Variants in PBX1 observed in about 807,000 individuals in gnomAD.
PBX1 encodes PBX homeobox 1.
A neutral mutation model predicts 53.4 loss-of-function variants in PBX1; 6 were observed. That is an observed-to-expected ratio of 0.11 (90% CI 0.06 to 0.22). The LOEUF (loss-of-function observed/expected upper bound fraction) is 0.22. Among genes scored for constraint, PBX1 ranks in the 10% least tolerant of loss-of-function variants. PBX1 has a pLI of 1.00. For missense variants in PBX1, 251 were observed against 551.4 expected, an observed-to-expected ratio of 0.46 and a Z score of 5.46; for synonymous variants, 204 against 212.3, an observed-to-expected ratio of 0.96 and a Z score of 0.34.
chr1:164,762,005 G>A (rs1245637768), intron 2 of PBX1, among the ~76,000 whole-genome samples: 4 of 152,032 alleles, frequency 2.6e-5, no homozygotes, highest in South Asian at 2.1e-4. Context: ...TTACATGGGC[G>A]CTCCAAGAAG....
At chr1:164,854,420 T>C (rs1206934241), downstream of PBX1, 1 of 152,182 alleles carries the variant, frequency 6.6e-6, no homozygotes, top group African/African-American at 2.4e-5. Context: ...GCCTTCCTTC[T>C]GGAAACATCC....
chr1:164,698,476 A>G (rs1163290236), intron 2 of PBX1, among the ~76,000 whole-genome samples: 1 of 151,986 alleles, frequency 6.6e-6, no homozygotes, highest in Non-Finnish European at 1.5e-5. Context: ...TGTTTTTCTT[A>G]TTTTGTTCCC....
At chr1:164,713,233 A>G (rs1457389788) in intron 2 of PBX1, among the ~76,000 whole-genome samples, 2 of 152,188 alleles carry the variant, frequency 1.3e-5, no homozygotes, top group Admixed American at 1.3e-4. Context: ...CTATGTAGTG[A>G]TAGAGAAAAG....
intron 2 of PBX1, among the ~76,000 whole-genome samples, chr1:164,688,120 C>CCATG (rs905213601): frequency 6.6e-6 from 1 of 152,216 alleles, no homozygotes; most frequent in Non-Finnish European, 1.5e-5. Context: ...ATGTCAAGGA[C>CCATG]CATGCATCTC....
At chr1:164,640,340 G>A (rs1659043043) in intron 2 of PBX1, among the ~76,000 whole-genome samples, 1 of 152,100 alleles carries the variant, frequency 6.6e-6, no homozygotes, top group Non-Finnish European at 1.5e-5. Flanking sequence ...TTGTTCCTCA[G>A]TTTCCCCGGC....
At chr1:164,740,374 AAAATG>A (rs1270917180) in intron 2 of PBX1, among the ~76,000 whole-genome samples, 1 of 152,198 alleles carries the variant, frequency 6.6e-6, no homozygotes, top group Non-Finnish European at 1.5e-5. Flanking sequence ...AAATAAAAAA[AAAATG>A]AAAAGACTCA....
rs750078828 is a variant in PBX1 at position 164,850,950 on chromosome 1, C to T, written c.*4274C>T. The T allele has an allele frequency of 3.0e-4, 65 of 215,244 alleles. 1 individual carries two copies. Among genetic ancestry groups the T allele is most frequent in the Non-Finnish European group, 3.2e-4 (34 of 106,522 alleles). 13.3% of individuals were successfully genotyped at this position (215,244 alleles called of 1,614,324 possible). A position where few individuals can be genotyped will look rare whatever the true frequency, so the allele number is the denominator to read the frequency against. On this transcript the variant is annotated 3_prime_UTR_variant, in exon 9 of 9. Coordinates refer to ENST00000420696, the MANE Select transcript of PBX1 (RefSeq NM_002585.4). ...AAGAGGCCTTTTCTTCCAGGAGAGTCCCGCAGGAGATGCTGGTATGATGGG... is the reference window on the plus strand; with the variant it reads ...AAGAGGCCTTTTCTTCCAGGAGAGTTCCGCAGGAGATGCTGGTATGATGGG...
chr1:164,568,956 A>G (rs1285701435), intron 2 of PBX1, among the ~76,000 whole-genome samples: 2 of 152,218 alleles, frequency 1.3e-5, no homozygotes, highest in Non-Finnish European at 2.9e-5. Context: ...CTCTCTTTCA[A>G]TCTCTCAATT....
chr1:164,735,798 A>T (rs938428662), intron 2 of PBX1, among the ~76,000 whole-genome samples: 2 of 152,158 alleles, frequency 1.3e-5, no homozygotes, highest in African/African-American at 2.4e-5. Flanking sequence ...GAAGATGTAT[A>T]TCAGCAGTAA....
chr1:164,785,905 G>C (rs556284843), intron 2 of PBX1, among the ~76,000 whole-genome samples: 48 of 152,198 alleles, frequency 3.2e-4, no homozygotes, highest in Admixed American at 4.6e-4. Context: ...TTGGCTTCCT[G>C]GGGTCATACC....
At chr1:164,774,232 T>C (rs1019597231) in intron 2 of PBX1, among the ~76,000 whole-genome samples, 1 of 152,206 alleles carries the variant, frequency 6.6e-6, no homozygotes, top group Non-Finnish European at 1.5e-5. Flanking sequence ...TTTGGGAAGC[T>C]TCAAAAAATT....
At chr1:164,571,547 T>C (rs1653852944) in intron 2 of PBX1, among the ~76,000 whole-genome samples, 1 of 150,186 alleles carries the variant, frequency 6.7e-6, no homozygotes. Flanking sequence ...CCAAATACTA[T>C]TCCGCTGTAT....
At chr1:164,569,773 C>A (rs188404922) in intron 2 of PBX1, among the ~76,000 whole-genome samples, 3 of 152,052 alleles carry the variant, frequency 2.0e-5, no homozygotes, top group Middle Eastern at 3.4e-3. Context: ...GTTGGCCAGG[C>A]TGGTCTCAAA....
chr1:164,804,931 CAGTT>C (rs1306670645), intron 4 of PBX1, among the ~76,000 whole-genome samples: 1 of 152,148 alleles, frequency 6.6e-6, no homozygotes, highest in East Asian at 1.9e-4. Flanking sequence ...GTTTTGGAAA[CAGTT>C]TGTTTGAAGA....
In PBX1 at chr1:164,692,381, C is replaced by T. The variant is rs78176816; in HGVS notation, c.266-100113C>T. Among the ~76,000 whole-genome samples the T allele has an allele frequency of 3.1e-3, 471 of 152,200 alleles. 5 individuals are homozygous for T. Among genetic ancestry groups the T allele is most frequent in the African/African-American group, 0.011 (452 of 41,508 alleles). ...TTGAGTATAGCAGGCTTTTAACAAA[C>T]ATAGGTTGAATGGATGTGGGGATGA... On this transcript the variant is annotated intron_variant, in intron 2 of 8. Coordinates refer to ENST00000420696, the MANE Select transcript of PBX1 (RefSeq NM_002585.4).
intron 2 of PBX1, among the ~76,000 whole-genome samples, chr1:164,788,759 C>CCT (rs1553246594): frequency 2.1e-5 from 3 of 140,800 alleles, no homozygotes; most frequent in African/African-American, 7.9e-5. Flanking sequence ...CCCTCCCCCC[C>CCT]CCGCCCTTTT....
At chr1:164,733,881 A>C (rs1665131853) in intron 2 of PBX1, among the ~76,000 whole-genome samples, 1 of 152,222 alleles carries the variant, frequency 6.6e-6, no homozygotes, top group South Asian at 2.1e-4. Context: ...TTATGCAATT[A>C]AACTATTTGT....
At chr1:164,828,957 A>C (rs567418002) in intron 8 of PBX1, 15 of 152,316 alleles carry the variant, frequency 9.8e-5, no homozygotes, top group Admixed American at 3.3e-4. Context: ...CTCTGGCTAC[A>C]TTTGAGTTTG....
intron 2 of PBX1, among the ~76,000 whole-genome samples, chr1:164,706,304 A>G (rs759986121): frequency 2.8e-4 from 42 of 152,162 alleles, no homozygotes; most frequent in Admixed American, 8.5e-4. Context: ...CTTAAGAAGT[A>G]TGGTGTGACT....
Sources: gnomAD v4.1 joint callset for allele counts (sites outside exome capture counted in the v4.1 genomes callset) on GRCh38, gnomAD v4.1.1 for gene constraint, MANE v1.5 for transcripts, NCBI Gene and HGNC (gene_info 2026-07-23, HGNC 2026-07-21) for gene names.